SLC4A5: variants seen among roughly 807,000 people sequenced by gnomAD.
The protein encoded by SLC4A5 is electrogenic sodium bicarbonate cotransporter 4.
SLC4A5 carries 96 observed loss-of-function variants against 120.4 expected under a neutral mutation model. That is an observed-to-expected ratio of 0.80 (90% CI 0.68 to 0.94). The LOEUF is 0.94. Among genes scored for constraint, SLC4A5 ranks in the 40% least tolerant of loss-of-function variants. SLC4A5 has a pLI of 0.00. For missense variants in SLC4A5, 1,259 were observed against 1,459.5 expected, an observed-to-expected ratio of 0.86 and a Z score of 2.24; for synonymous variants, 550 against 571.1, an observed-to-expected ratio of 0.96 and a Z score of 0.53.
intron 11 of SLC4A5, among the ~76,000 whole-genome samples, chr2:74,261,239 A>G (rs1214996497): frequency 2.6e-5 from 4 of 152,206 alleles, no homozygotes. Flanking sequence ...GACCTCATAT[A>G]CAATGATAAC....
chr2:74,319,820 A>C (rs1458269870), intron 5 of SLC4A5, among the ~76,000 whole-genome samples: 1 of 152,080 alleles, frequency 6.6e-6, no homozygotes, highest in East Asian at 1.9e-4. Flanking sequence ...GACCATCTAA[A>C]CCTTACTCTC....
At chr2:74,277,669 C>G (rs965633697) in intron 8 of SLC4A5, among the ~76,000 whole-genome samples, 2 of 152,240 alleles carry the variant, frequency 1.3e-5, no homozygotes, top group East Asian at 3.9e-4. Context: ...GAGATATAAC[C>G]ACCAAAATCA....
At chr2:74,265,542 GACAGTTGC>G (rs1198946658) in intron 8 of SLC4A5, among the ~76,000 whole-genome samples, 1 of 152,210 alleles carries the variant, frequency 6.6e-6, no homozygotes, top group East Asian at 1.9e-4. Context: ...GGATTATGGT[GACAGTTGC>G]ACAATTCCAT....
chr2:74,225,090 G>C, intron 27 of SLC4A5, 95 bp from the exon 28 acceptor site: 2 of 1,258,686 alleles, frequency 1.6e-6, no homozygotes, highest in Non-Finnish European at 2.2e-6. Context: ...TCCCTCAGTC[G>C]GCTGAGTTCA....
intron 6 of SLC4A5, among the ~76,000 whole-genome samples, chr2:74,312,193 GTATCTA>G (rs762854280): frequency 9.2e-5 from 14 of 151,772 alleles, no homozygotes; most frequent in Non-Finnish European, 1.5e-4. Flanking sequence ...TAATCCATCT[GTATCTA>G]TATCTATACC....
chr2:74,287,762 C>A (rs1479636479), intron 7 of SLC4A5, among the ~76,000 whole-genome samples: 1 of 152,216 alleles, frequency 6.6e-6, no homozygotes, highest in Non-Finnish European at 1.5e-5. Context: ...ATCCCCTCAA[C>A]TCTTTCAGAT....
chr2:74,276,807 G>C (rs1300076717), intron 8 of SLC4A5, among the ~76,000 whole-genome samples: 1 of 148,006 alleles, frequency 6.8e-6, no homozygotes, highest in Non-Finnish European at 1.5e-5. Flanking sequence ...GGCAATCAAA[G>C]TTGGACAGAT....
At chr2:74,331,558 T>C (rs569024402) in intron 4 of SLC4A5, among the ~76,000 whole-genome samples, 10 of 152,056 alleles carry the variant, frequency 6.6e-5, no homozygotes, top group African/African-American at 2.2e-4. Flanking sequence ...ACATGTGAAA[T>C]GGTGAAATTT....
intron 25 of SLC4A5, among the ~76,000 whole-genome samples, chr2:74,228,910 C>T (rs977436274): frequency 9.2e-5 from 14 of 152,014 alleles, no homozygotes; most frequent in East Asian, 1.9e-4. Flanking sequence ...AGCATTCTTC[C>T]GCTGTCTCTC....
At chr2:74,275,514 T>C (rs1671610812) in intron 8 of SLC4A5, among the ~76,000 whole-genome samples, 1 of 152,144 alleles carries the variant, frequency 6.6e-6, no homozygotes, top group Non-Finnish European at 1.5e-5. Flanking sequence ...TCACTGCCTC[T>C]CAGGAGAGGC....
rs1158445663 is a variant in SLC4A5 at position 74,334,134 on chromosome 2, T to C, written c.-177A>G. ...GTCTGCTTTAGCTGTTTCTGAACCA[T>C]GTCCAGGGTTGAGAAGGGAACATAC... is the stretch of plus-strand genomic sequence containing the variant. On this transcript the variant is annotated 5_prime_UTR_variant, in exon 4 of 31. The change abolishes an upstream ATG in the 5' untranslated region. Coordinates refer to ENST00000394019, the Ensembl canonical transcript of SLC4A5. 6.6e-6 allele frequency: 1 copy of C among 152,182 alleles called. No individual in the cohort carries two copies. Among genetic ancestry groups the C allele is most frequent in the Non-Finnish European group, 1.5e-5 (1 of 68,038 alleles). 9.4% of individuals were successfully genotyped at this position (152,182 alleles called of 1,614,324 possible). A position where few individuals can be genotyped will look rare whatever the true frequency, so the allele number is the denominator to read the frequency against.
chr2:74,239,573 T>C, intron 20 of SLC4A5, 38 bp from the exon 21 acceptor site: 1 of 1,601,506 alleles, frequency 6.2e-7, no homozygotes. Context: ...GGTCAGCATC[T>C]TCCTGATGAG....
At chr2:74,282,140 G>C (rs758347198) in intron 8 of SLC4A5, among the ~76,000 whole-genome samples, 2 of 152,218 alleles carry the variant, frequency 1.3e-5, no homozygotes, top group Non-Finnish European at 2.9e-5. Flanking sequence ...TTTGCCTGGA[G>C]GAGGGCCCAG....
chr2:74,281,591 T>C (rs886884161), intron 8 of SLC4A5, among the ~76,000 whole-genome samples: 9 of 152,176 alleles, frequency 5.9e-5, no homozygotes, highest in South Asian at 2.1e-4. Flanking sequence ...CCTACCAGCA[T>C]TGATCACATT....
At chr2:74,217,127 G>A (rs1572994046) in exon 31 of SLC4A5, 1 of 152,324 alleles carries the variant, frequency 6.6e-6, no homozygotes, top group African/African-American at 2.4e-5. Flanking sequence ...TACTCAAGGT[G>A]TTAATGATCT....
intron 6 of SLC4A5, among the ~76,000 whole-genome samples, chr2:74,309,399 T>C (rs1002438085): frequency 2.0e-5 from 3 of 152,314 alleles, no homozygotes; most frequent in Admixed American, 6.5e-5. Flanking sequence ...GTCTGTTCTT[T>C]TGACAATATC....
intron 19 of SLC4A5, 122 bp from the exon 20 acceptor site, chr2:74,242,174 C>T (rs963693656): frequency 6.3e-6 from 5 of 790,850 alleles, no homozygotes; most frequent in Non-Finnish European, 9.9e-6. Context: ...ATTGTGAGGG[C>T]AGCTCCCTCT....
chr2:74,315,377 T>G (rs1193831013), intron 5 of SLC4A5, among the ~76,000 whole-genome samples: 7 of 148,516 alleles, frequency 4.7e-5, no homozygotes, highest in African/African-American at 1.7e-4. Flanking sequence ...GAGGTGGAGG[T>G]TGCAATGAGC....
At chr2:74,238,952 C>T (rs1450422220) in intron 21 of SLC4A5, among the ~76,000 whole-genome samples, 1 of 152,166 alleles carries the variant, frequency 6.6e-6, no homozygotes, top group Non-Finnish European at 1.5e-5. Context: ...ATAACAAACT[C>T]TTGCAAATCA....
Sources: allele counts gnomAD v4.1 joint callset (sites outside exome capture counted in the v4.1 genomes callset), GRCh38; gene constraint gnomAD v4.1.1; transcripts MANE v1.5; gene names NCBI Gene and HGNC (gene_info 2026-07-23, HGNC 2026-07-21).